The following SAMD12 variants were observed in gnomAD, a reference collection of about 807,000 sequenced individuals.
SAMD12 encodes sterile alpha motif domain containing 12.
A neutral mutation model predicts 15.0 loss-of-function variants in SAMD12; 9 were observed. The ratio of observed to expected loss-of-function variants is 0.60; its 90% CI spans 0.36 to 1.05. SAMD12 has a LOEUF of 1.05. Among genes scored for constraint, SAMD12 ranks in the 50% least tolerant of loss-of-function variants. The pLI, the probability that SAMD12 is intolerant of heterozygous loss-of-function variation, is 0.01. For synonymous variants in SAMD12, 86 were observed against 90.1 expected, an observed-to-expected ratio of 0.96 and a Z score of 0.25; for missense variants, 230 against 234.2, an observed-to-expected ratio of 0.98 and a Z score of 0.12.
At chr8:118,521,682 C>T (rs957572302) in intron 2 of SAMD12, among the ~76,000 whole-genome samples, 16 of 152,124 alleles carry the variant, frequency 1.1e-4, no homozygotes, top group Non-Finnish European at 2.9e-5. Flanking sequence ...GCTGTGCTGA[C>T]GATCTCTATC....
the SAMD12 span, among the ~76,000 whole-genome samples, chr8:118,183,860 A>T: frequency 2.6e-5 from 4 of 152,090 alleles, no homozygotes; most frequent in African/African-American, 9.6e-5. Context: ...TCAAGTGTCC[A>T]TTATACCACT....
At chr8:118,304,233 T>C (rs1372267991) in intron 4 of SAMD12, among the ~76,000 whole-genome samples, 1 of 152,244 alleles carries the variant, frequency 6.6e-6, no homozygotes, top group African/African-American at 2.4e-5. Context: ...TTCATGGTCA[T>C]ATCAAGCTCA....
chr8:118,444,320 T>C (rs938058774), intron 2 of SAMD12, among the ~76,000 whole-genome samples: 7 of 152,304 alleles, frequency 4.6e-5, no homozygotes, highest in Non-Finnish European at 1.0e-4. Flanking sequence ...TTTGCTGCCC[T>C]GAAAGAGGCC....
rs146323989 is a variant in SAMD12, at chr8:118,565,118, A to G, written c.192+15597T>C. Among the ~76,000 whole-genome samples the G allele has an allele frequency of 5.1e-4, 77 of 152,302 alleles. No homozygotes were observed. In the East Asian group the frequency reaches 0.014, roughly 27 times the overall value. On this transcript the variant is annotated intron_variant, in intron 2 of 3. Transcript: ENST00000314727. ...AATAACTATCACGACAGTGCTGGTG[A>G]AAAGCAAATATACCCTCATATTCCT...
chr8:118,340,060 A>G (rs561259688), intron 4 of SAMD12, among the ~76,000 whole-genome samples: 1 of 152,366 alleles, frequency 6.6e-6, no homozygotes, highest in African/African-American at 2.4e-5. Context: ...CATTTATTCA[A>G]CAAACATTTA....
intron 4 of SAMD12, among the ~76,000 whole-genome samples, chr8:118,287,280 G>A (rs868493424): frequency 9.8e-5 from 13 of 132,938 alleles, no homozygotes; most frequent in Middle Eastern, 3.6e-3. Context: ...GCCCACCACT[G>A]CGCCCGGCTA....
intron 4 of SAMD12, among the ~76,000 whole-genome samples, chr8:118,356,598 C>T (rs902530249): frequency 1.3e-5 from 2 of 152,148 alleles, no homozygotes; most frequent in African/African-American, 2.4e-5. Context: ...GTCTAGTGAT[C>T]GAGTGACCGC....
intron 4 of SAMD12, among the ~76,000 whole-genome samples, chr8:118,273,629 G>A (rs1261764832): frequency 6.6e-6 from 1 of 152,148 alleles, no homozygotes; most frequent in Non-Finnish European, 1.5e-5. Context: ...GCCCCATGAT[G>A]AACTCTGAGA....
At chr8:118,419,960 G>A (rs914161992) in intron 3 of SAMD12, among the ~76,000 whole-genome samples, 1 of 152,220 alleles carries the variant, frequency 6.6e-6, no homozygotes, top group Non-Finnish European at 1.5e-5. Context: ...TTGCAGAAAA[G>A]CTGTGCAAGC....
chr8:118,292,341 A>AACACACAGACACACAG (rs764290618), intron 4 of SAMD12, among the ~76,000 whole-genome samples: 16 of 50,600 alleles, frequency 3.2e-4, no homozygotes, highest in Admixed American at 6.8e-4. Flanking sequence ...CAAAACTGCA[A>AACACACAGACACACAG]ACACACAGAC....
At chr8:118,325,923 T>TA (rs1255198751) in intron 4 of SAMD12, among the ~76,000 whole-genome samples, 2 of 152,190 alleles carry the variant, frequency 1.3e-5, no homozygotes, top group Non-Finnish European at 2.9e-5. Context: ...AGATTTGACT[T>TA]ACAACAGCCC....
intron 4 of SAMD12, among the ~76,000 whole-genome samples, chr8:118,250,676 ATTTT>A (rs879754176): frequency 6.6e-6 from 1 of 150,694 alleles, no homozygotes; most frequent in African/African-American, 2.4e-5. Flanking sequence ...TTATTTATTT[ATTTT>A]TTTTTATTTT....
the SAMD12 span, among the ~76,000 whole-genome samples, chr8:118,146,647 G>T: frequency 6.6e-6 from 1 of 152,172 alleles, no homozygotes; most frequent in Non-Finnish European, 1.5e-5. Context: ...CGGTAGGAGA[G>T]AAATCACAAG....
the SAMD12 span, among the ~76,000 whole-genome samples, chr8:118,135,477 G>T: frequency 6.6e-6 from 1 of 152,082 alleles, no homozygotes; most frequent in Non-Finnish European, 1.5e-5. Flanking sequence ...ACCATGCCTG[G>T]CCTATCAGGT....
the SAMD12 span, among the ~76,000 whole-genome samples, chr8:118,173,770 T>C: frequency 2.6e-5 from 4 of 151,536 alleles, no homozygotes; most frequent in Non-Finnish European, 5.9e-5. Flanking sequence ...GCTGGGACTA[T>C]AGGCACGTGC....
At chr8:118,254,019 T>G (rs980222794) in intron 4 of SAMD12, among the ~76,000 whole-genome samples, 1 of 151,994 alleles carries the variant, frequency 6.6e-6, no homozygotes, top group Non-Finnish European at 1.5e-5. Flanking sequence ...TAGACATGGG[T>G]GGACTCTAAA....
the SAMD12 span, among the ~76,000 whole-genome samples, chr8:118,154,629 T>G: frequency 2.6e-4 from 39 of 152,166 alleles, no homozygotes; most frequent in African/African-American, 7.0e-4. Context: ...TCCAGGGTGT[T>G]CTATAGAGCT....
chr8:118,425,150 G>A (rs995528070), intron 3 of SAMD12, among the ~76,000 whole-genome samples: 6 of 152,100 alleles, frequency 3.9e-5, no homozygotes, highest in Non-Finnish European at 7.4e-5. Context: ...GTGTTAGCCA[G>A]GATGGTCTCA....
chr8:118,337,872 A>C (rs372698119), intron 4 of SAMD12, among the ~76,000 whole-genome samples: 1 of 152,240 alleles, frequency 6.6e-6, no homozygotes, highest in African/African-American at 2.4e-5. Flanking sequence ...GAAACAACAA[A>C]AAAAATGTAT....
Sources: allele counts gnomAD v4.1 joint callset (sites outside exome capture counted in the v4.1 genomes callset), GRCh38; gene constraint gnomAD v4.1.1; transcripts MANE v1.5; gene names NCBI Gene and HGNC (gene_info 2026-07-23, HGNC 2026-07-21).